SERPINA12: variants seen among roughly 807,000 people sequenced by gnomAD.
SERPINA12 encodes serpin family A member 12.
A neutral mutation model predicts 25.9 loss-of-function variants in SERPINA12; 21 were observed. The observed-to-expected ratio is 0.81, with a 90% CI of 0.58 to 1.17. The LOEUF is 1.17. Ranked by LOEUF, SERPINA12 falls within the 50% of genes most tolerant of loss-of-function variation. The pLI is 0.00. For synonymous variants in SERPINA12, 220 were observed against 196.0 expected (o/e 1.12, Z -1.02); for missense variants, 562 against 508.3 (o/e 1.11, Z -1.02).
At chr14:94,505,183 T>C (rs1202648236) in intron 1 of SERPINA12, among the ~76,000 whole-genome samples, 1 of 152,152 alleles carries the variant, frequency 6.6e-6, no homozygotes, top group African/African-American at 2.4e-5. Flanking sequence ...TTCCTTTGGG[T>C]TGCTGCTTTT....
Position 94,501,595 on chromosome 14 carries a change from G to A in SERPINA12, c.-33-3165C>T, listed in dbSNP as rs187483560. Among the ~76,000 whole-genome samples, 32 of 151,914 alleles carry A rather than the reference G, an allele frequency of 2.1e-4. No individual in the cohort carries two copies. The East Asian group carries it at 5.8e-3, about 28-fold the overall frequency. Reference sequence around the variant, plus strand: ...AGTATCTTCATCTATTAAATGAGGGGGAGGTGGTGATAATTTGGTTTCTTC... The same window carrying A: ...AGTATCTTCATCTATTAAATGAGGGAGAGGTGGTGATAATTTGGTTTCTTC... On this transcript the variant is annotated intron_variant, in intron 1 of 4. Coordinates refer to ENST00000677451, the MANE Select transcript of SERPINA12 (RefSeq NM_001382267.1).
rs71129685 is a variant in SERPINA12 at position 94,495,064 on chromosome 14, C to CTTTTTTT, written c.905+1302_905+1308dup. Reference sequence around the variant, plus strand: ...GCATTCGGAATCAGAATTTCCCTTTCTTTTTTTTTTTTTTTTTTTTTTGAG... The same window carrying CTTTTTTT: ...GCATTCGGAATCAGAATTTCCCTTTCTTTTTTTTTTTTTTTTTTTTTTTTTTTTTGAG... On this transcript the variant is annotated intron_variant, in intron 3 of 4. Transcript: ENST00000677451. 2.8e-3 allele frequency among the ~76,000 whole-genome samples: 278 copies of CTTTTTTT among 98,178 alleles called. 4 individuals carry two copies. Among genetic ancestry groups the CTTTTTTT allele is most frequent in the African/African-American group, 4.5e-3 (125 of 27,978 alleles). 64.4% of individuals were successfully genotyped at this position (98,178 alleles called of 152,430 possible).
Position 94,509,344 on chromosome 14 carries a change from C to T in SERPINA12, c.-36G>A, listed in dbSNP as rs1901043790. On this transcript the variant is annotated splice_region_variant and 5_prime_UTR_variant, in exon 1 of 5. Coordinates refer to ENST00000677451, the MANE Select transcript of SERPINA12 (RefSeq NM_001382267.1). ...CACACACTGCCCCTTGGACTAACCT[C>T]ACCTCCCCAGTTTCTCCTTTCCCCT... Among the ~76,000 whole-genome samples the T allele has an allele frequency of 6.7e-6, 1 of 149,264 alleles. No individual in the cohort carries two copies. The highest frequency in any genetic ancestry group is 2.1e-4 in the South Asian group (1 of 4,718).
chr14:94,509,715 G>A (rs1368955069), upstream of SERPINA12, among the ~76,000 whole-genome samples: 1 of 152,174 alleles, frequency 6.6e-6, no homozygotes, highest in African/African-American at 2.4e-5. Flanking sequence ...GTACACCCAA[G>A]GTGCTCTGTA....
chr14:94,498,170 G>C lies in SERPINA12; in HGVS notation c.228C>G (p.Pro76=). The C allele has an allele frequency of 6.2e-7, 1 of 1,614,134 alleles. No individual in the cohort carries two copies. Among genetic ancestry groups the C allele is most frequent in the Non-Finnish European group, 8.5e-7 (1 of 1,180,032 alleles). ...YNPGRNIFLS[P]LSISTAFSML... Reference sequence around the variant, plus strand: ...TGGAGAAAGCTGTAGAGATGCTCAAGGGGGATAGGAAGATGTTCCTGCCAG... The same window carrying C: ...TGGAGAAAGCTGTAGAGATGCTCAACGGGGATAGGAAGATGTTCCTGCCAG... Residue 76 remains proline, a synonymous_variant, in exon 2 of 5, where the codon CCC becomes CCG. Transcript: ENST00000677451.
At chr14:94,509,827 C>T (rs1013795135), upstream of SERPINA12, among the ~76,000 whole-genome samples, 1 of 152,188 alleles carries the variant, frequency 6.6e-6, no homozygotes, top group Non-Finnish European at 1.5e-5. Flanking sequence ...ACACGCCATC[C>T]CCTCCCAGCT....
In SERPINA12 at chr14:94,514,666, T is replaced by C. The variant is rs149681224; in HGVS notation, c.-18+1154A>G. On this transcript the variant is annotated intron_variant, in intron 2 of 5. Coordinates refer to the SERPINA12 transcript ENST00000341228. The stretch of plus-strand genomic sequence containing the variant: ...GATGCTCTCTGAGCCAGTGGGTCTA[T>C]TCCAGGGACTTGGTCTGGGCCATGT... Among the ~76,000 whole-genome samples, 293 of 152,290 alleles carry C rather than the reference T, an allele frequency of 1.9e-3. 1 individual carries two copies. Among genetic ancestry groups the C allele is most frequent in the African/African-American group, 6.5e-3 (269 of 41,558 alleles).
rs528261607 is a variant in SERPINA12 at position 94,504,709 on chromosome 14, T to C, written c.-34+4633A>G. Among the ~76,000 whole-genome samples, 12 of 152,356 alleles carry C rather than the reference T, an allele frequency of 7.9e-5. No individual in the cohort carries two copies. The South Asian group carries it at 2.1e-3, about 26-fold the overall frequency. On this transcript the variant is annotated intron_variant, in intron 1 of 4. Transcript: ENST00000677451. ...AAATTCACCTCAAAGTTCATGATCA[T>C]GGAAATTACAAATTGTTTTCCTATT...
chr14:94,491,084 C>T (rs939411030), intron 3 of SERPINA12, among the ~76,000 whole-genome samples: 1 of 152,196 alleles, frequency 6.6e-6, no homozygotes, highest in Admixed American at 6.5e-5. Context: ...ATTCACTCAA[C>T]AAACATTTAT....
At chr14:94,510,361 T>A, upstream of SERPINA12, 3 of 621,844 alleles carry the variant, frequency 4.8e-6, no homozygotes, top group Non-Finnish European at 6.0e-6. Flanking sequence ...TCAACATTAC[T>A]AACCATCAGG....
At chr14:94,494,986 T>G (rs908849793) in intron 3 of SERPINA12, among the ~76,000 whole-genome samples, 1 of 152,030 alleles carries the variant, frequency 6.6e-6, no homozygotes, top group Non-Finnish European at 1.5e-5. Context: ...GCAACGCTCT[T>G]GGGATGCTCT....
chr14:94,515,581 A>G (rs1050033268), intron 2 of SERPINA12, among the ~76,000 whole-genome samples: 6 of 152,210 alleles, frequency 3.9e-5, no homozygotes, highest in African/African-American at 1.4e-4. Flanking sequence ...GCCCTGCTCC[A>G]GGAGCTGGGG....
rs1900516355 is a variant in SERPINA12, at chr14:94,497,950, A to G, written c.448T>C (p.Phe150Leu). The G allele has an allele frequency of 6.2e-7, 1 of 1,613,988 alleles. No homozygotes were observed. The highest frequency in any genetic ancestry group is 2.2e-5 in the East Asian group (1 of 44,904). Residue 150 changes from phenylalanine to leucine, a missense_variant, in exon 2 of 5, where the codon TTT (phenylalanine) becomes CTT (leucine). Transcript: ENST00000677451. ...IDQRLQPQRK[F>L]LEDAKNFYSA... ...TAAAAGTTCTTGGCATCTTCCAAAA[A>G]CTTACGCTGTGGCTGCAGCCTCTGG... is the stretch of plus-strand genomic sequence containing the variant.
rs75074017 is a variant in SERPINA12, at chr14:94,495,475, C to T, written c.905+898G>A. On this transcript the variant is annotated intron_variant, in intron 3 of 4. Transcript: ENST00000677451. Reference sequence around the variant, plus strand: ...GAAAAGAGTTGCATCAGTTCAGTTACCACCCATGGGTTACTAAGCTCAGTC... The same window carrying T: ...GAAAAGAGTTGCATCAGTTCAGTTATCACCCATGGGTTACTAAGCTCAGTC... 3.3e-5 allele frequency among the ~76,000 whole-genome samples: 5 copies of T among 152,310 alleles called. No individual in the cohort carries two copies. In the East Asian group the frequency reaches 9.7e-4, roughly 29 times the overall value.
Position 94,487,323 on chromosome 14 carries a change from C to T in SERPINA12, c.1225G>A (p.Val409Ile). 6.2e-7 allele frequency: 1 copy of T among 1,613,830 alleles called. No homozygotes were observed. Among genetic ancestry groups the T allele is most frequent in the Non-Finnish European group, 8.5e-7 (1 of 1,179,892 alleles). The change falls in exon 5 of 5, where the codon GTT becomes ATT. Residue 409 changes from valine to isoleucine, a missense_variant. Transcript: ENST00000677451. ...IPSVLFLGKI[V>I]NPIGK Reference sequence around the variant, plus strand: ...CTCCTTTATTTTCCAATAGGGTTAACAATCTTTCCCAGGAAGAGCACGGAA... The same window carrying T: ...CTCCTTTATTTTCCAATAGGGTTAATAATCTTTCCCAGGAAGAGCACGGAA...
At chr14:94,511,741 T>C (rs1901116300), upstream of SERPINA12, 3 of 984,904 alleles carry the variant, frequency 3.0e-6, no homozygotes, top group East Asian at 1.1e-4. Flanking sequence ...ATGTCTATAA[T>C]GTACCAGGCA....
chr14:94,498,357 A>G lies in SERPINA12; in HGVS notation c.41T>C (p.Leu14Pro). The change falls in exon 2 of 5, where the codon CTC becomes CCC. Residue 14 changes from leucine (L) to proline (P), a missense_variant. Coordinates refer to ENST00000677451, the MANE Select transcript of SERPINA12 (RefSeq NM_001382267.1). ...CTTTAGAAGACCTTTCACCGTGAGG[A>G]GAACAGCCAGAAAAATGGCCAGGCC... ...TLGLAIFLAV[L>P]LTVKGLLKPS... 6.2e-7 allele frequency: 1 copy of G among 1,614,106 alleles called. No individual in the cohort carries two copies. The highest frequency in any genetic ancestry group is 8.5e-7 in the Non-Finnish European group (1 of 1,179,984).
At chr14:94,499,895 C>T (rs1273127705) in intron 1 of SERPINA12, among the ~76,000 whole-genome samples, 1 of 152,118 alleles carries the variant, frequency 6.6e-6, no homozygotes, top group African/African-American at 2.4e-5. Context: ...TGGTGCATAA[C>T]TGGGTCAGTT....
Position 94,498,035 on chromosome 14 carries a change from G to T in SERPINA12, c.363C>A (p.His121Gln), listed in dbSNP as rs371586193. 6.2e-7 allele frequency: 1 copy of T among 1,614,180 alleles called. No homozygotes were observed. Among genetic ancestry groups the T allele is most frequent in the Non-Finnish European group, 8.5e-7 (1 of 1,180,034 alleles). ...GGTCCTGGGTCTTCTGGGTCAGCTC[G>T]TGGATGATGTAATGGAAGCCCTCAT... ...DLHEGFHYII[H>Q]ELTQKTQDLK... Residue 121 changes from histidine (H) to glutamine (Q), a missense_variant, in exon 2 of 5, where the codon CAC becomes CAA. His to Gln is a conservative substitution (Grantham distance 24). Transcript: ENST00000677451.
Sources: gnomAD v4.1 joint callset for allele counts (sites outside exome capture counted in the v4.1 genomes callset) on GRCh38, gnomAD v4.1.1 for gene constraint, MANE v1.5 for transcripts, NCBI Gene and HGNC (gene_info 2026-07-23, HGNC 2026-07-21) for gene names.